The following SCHIP1 variants were observed in gnomAD, a reference collection of about 807,000 sequenced individuals.
SCHIP1 encodes schwannomin-interacting protein 1.
SCHIP1 carries 8 observed loss-of-function variants against 29.7 expected under a neutral mutation model. The observed-to-expected ratio is 0.27, with a 90% CI of 0.16 to 0.49. The LOEUF is 0.49. Among genes scored for constraint, SCHIP1 ranks in the 20% least tolerant of loss-of-function variants. The pLI is 0.99. For missense variants in SCHIP1, 193 were observed against 294.6 expected, an observed-to-expected ratio of 0.66 and a Z score of 2.52; for synonymous variants, 76 against 94.9, an observed-to-expected ratio of 0.80 and a Z score of 1.16.
the SCHIP1 span, among the ~76,000 whole-genome samples, chr3:159,819,827 G>T: frequency 6.6e-6 from 1 of 152,230 alleles, no homozygotes; most frequent in Non-Finnish European, 1.5e-5. Context: ...CCACCAGGTG[G>T]CTGAGCTGGT....
At chr3:159,440,187 G>T in the SCHIP1 span, among the ~76,000 whole-genome samples, 10 of 152,120 alleles carry the variant, frequency 6.6e-5, no homozygotes, top group African/African-American at 2.4e-4. Flanking sequence ...ATTTTGGTCA[G>T]ATTTGTCAAA....
the SCHIP1 span, among the ~76,000 whole-genome samples, chr3:159,688,085 G>A: frequency 1.3e-5 from 2 of 152,212 alleles, no homozygotes; most frequent in African/African-American, 4.8e-5. Context: ...CTTTATAGTA[G>A]AATGATTTAT....
intron 2 of SCHIP1, among the ~76,000 whole-genome samples, chr3:159,877,832 C>T (rs1185219958): frequency 6.6e-6 from 1 of 152,120 alleles, no homozygotes. Context: ...AAATAGGCAG[C>T]CTGGCTTTAA....
At chr3:159,582,787 T>C in the SCHIP1 span, among the ~76,000 whole-genome samples, 22,571 of 144,080 alleles carry the variant, frequency 0.16, 3,675 homozygotes, top group African/African-American at 0.42. Flanking sequence ...AATATATATA[T>C]ACACACACAC....
the SCHIP1 span, among the ~76,000 whole-genome samples, chr3:159,751,768 G>A: frequency 1.2e-4 from 18 of 152,124 alleles, 1 homozygote; most frequent in South Asian, 2.7e-3. Context: ...GGATGGTCTC[G>A]ATCTCCTAAC....
chr3:159,525,244 T>C, the SCHIP1 span, among the ~76,000 whole-genome samples: 15 of 152,252 alleles, frequency 9.9e-5, no homozygotes, highest in Non-Finnish European at 1.3e-4. Context: ...CAATTTCTAA[T>C]ACACGATATT....
chr3:159,734,127 A>G, the SCHIP1 span, among the ~76,000 whole-genome samples: 1 of 126,678 alleles, frequency 7.9e-6, no homozygotes, highest in Non-Finnish European at 1.7e-5. Context: ...TATTATTATT[A>G]TTGTTTACTT....
the SCHIP1 span, among the ~76,000 whole-genome samples, chr3:159,286,001 T>G: frequency 6.6e-6 from 1 of 152,188 alleles, no homozygotes; most frequent in Non-Finnish European, 1.5e-5. Context: ...TATGCATTGT[T>G]TTGTGATCTT....
the SCHIP1 span, among the ~76,000 whole-genome samples, chr3:159,602,467 T>G: frequency 6.6e-6 from 1 of 152,060 alleles, no homozygotes; most frequent in African/African-American, 2.4e-5. Context: ...TCCCAGCACT[T>G]TGGGAGGCCA....
At chr3:159,368,037 TAGG>T in the SCHIP1 span, among the ~76,000 whole-genome samples, 8 of 152,330 alleles carry the variant, frequency 5.3e-5, no homozygotes, top group East Asian at 1.5e-3. Flanking sequence ...CTCCTGATCT[TAGG>T]AGGAGTCTTT....
the SCHIP1 span, among the ~76,000 whole-genome samples, chr3:159,396,985 C>A: frequency 8.9e-4 from 127 of 143,442 alleles, 1 homozygote; most frequent in Middle Eastern, 0.011. Flanking sequence ...GGTCTTTTCA[C>A]ATAGTCCCAT....
the SCHIP1 span, among the ~76,000 whole-genome samples, chr3:159,496,325 A>G: frequency 1.6e-4 from 25 of 152,176 alleles, no homozygotes; most frequent in African/African-American, 2.4e-4. Flanking sequence ...GCAACCTACG[A>G]AATGGGAGAA....
the SCHIP1 span, among the ~76,000 whole-genome samples, chr3:159,446,253 T>G: frequency 6.6e-6 from 1 of 152,066 alleles, no homozygotes; most frequent in Non-Finnish European, 1.5e-5. Context: ...CCCACTAATA[T>G]TGTTATAATG....
At chr3:159,523,595 A>G in the SCHIP1 span, among the ~76,000 whole-genome samples, 1 of 152,060 alleles carries the variant, frequency 6.6e-6, no homozygotes, top group African/African-American at 2.4e-5. Context: ...GTGATATAGT[A>G]TCACTTTTAG....
chr3:159,664,986 G>C, the SCHIP1 span, among the ~76,000 whole-genome samples: 1 of 152,192 alleles, frequency 6.6e-6, no homozygotes, highest in Non-Finnish European at 1.5e-5. Flanking sequence ...CTAATGCTTT[G>C]GTTCCAAAGG....
chr3:159,457,371 T>C, the SCHIP1 span, among the ~76,000 whole-genome samples: 1 of 151,722 alleles, frequency 6.6e-6, no homozygotes, highest in Non-Finnish European at 1.5e-5. Flanking sequence ...GTAATTATCA[T>C]TTCTGTTATG....
At chr3:159,441,133 A>G in the SCHIP1 span, among the ~76,000 whole-genome samples, 90 of 152,234 alleles carry the variant, frequency 5.9e-4, no homozygotes, top group East Asian at 0.015. Context: ...TTGAAACAAC[A>G]CATGTCTGTG....
the SCHIP1 span, among the ~76,000 whole-genome samples, chr3:159,562,998 A>C: frequency 3.3e-5 from 5 of 152,206 alleles, no homozygotes; most frequent in African/African-American, 7.2e-5. Context: ...TTTCTCATGG[A>C]AACTTATTTT....
the SCHIP1 span, among the ~76,000 whole-genome samples, chr3:159,732,865 A>G: frequency 6.6e-6 from 1 of 152,202 alleles, no homozygotes; most frequent in Admixed American, 6.5e-5. Flanking sequence ...ACTGCAGAGG[A>G]GAAAGTACAT....
Sources: allele counts gnomAD v4.1 joint callset (sites outside exome capture counted in the v4.1 genomes callset), GRCh38; gene constraint gnomAD v4.1.1; transcripts MANE v1.5; gene names NCBI Gene and HGNC (gene_info 2026-07-23, HGNC 2026-07-21).